The following ANK1 variants were observed in gnomAD, a reference collection of about 807,000 sequenced individuals.
The protein encoded by ANK1 is ankyrin-1.
A neutral mutation model predicts 210.4 loss-of-function variants in ANK1; 51 were observed. The ratio of observed to expected loss-of-function variants is 0.24; its 90% CI spans 0.19 to 0.31. The LOEUF (loss-of-function observed/expected upper bound fraction) is 0.31, where lower values mean the gene tolerates loss of function less well. ANK1 is among the 10% of genes least tolerant of loss of function. The probability of loss-of-function intolerance (pLI) is 1.00; values close to 1 mark genes in which losing one functional copy is unlikely to be tolerated. For synonymous variants in ANK1, 967 were observed against 1,025.9 expected, an observed-to-expected ratio of 0.94 and a Z score of 1.10; for missense variants, 2,051 against 2,504.4, an observed-to-expected ratio of 0.82 and a Z score of 3.86.
intron 40 of ANK1, among the ~76,000 whole-genome samples, chr8:41,662,488 C>T (rs1191000280): frequency 6.6e-6 from 1 of 152,216 alleles, no homozygotes; most frequent in African/African-American, 2.4e-5. Flanking sequence ...TGGGTGTGAC[C>T]TCCCCCTCGA....
chr8:41,664,244 G>C (rs117183306), intron 39 of ANK1: 35,439 of 448,500 alleles, frequency 0.079, 1,819 homozygotes, highest in Non-Finnish European at 0.1. Flanking sequence ...GGCCAAGGCC[G>C]GAGGACCACT....
At chr8:41,723,780 T>A (rs1361662338) in intron 7 of ANK1, 147 bp from the exon 8 acceptor site, 7 of 507,854 alleles carry the variant, frequency 1.4e-5, no homozygotes, top group African/African-American at 7.9e-5. Flanking sequence ...ATTTTATTTT[T>A]TTTTATTTTT....
At chr8:41,868,588 T>A (rs923300873) in intron 1 of ANK1, among the ~76,000 whole-genome samples, 3 of 152,242 alleles carry the variant, frequency 2.0e-5, no homozygotes, top group African/African-American at 7.2e-5. Flanking sequence ...ACTTTATATA[T>A]CTTGTGAATA....
chr8:41,807,599 G>C (rs1464534423), intron 1 of ANK1, among the ~76,000 whole-genome samples: 1 of 152,120 alleles, frequency 6.6e-6, no homozygotes, highest in South Asian at 2.1e-4. Flanking sequence ...GGATCACACG[G>C]TGCTGGTGGT....
chr8:41,718,627 CTGAA>C (rs1437396176), intron 10 of ANK1, among the ~76,000 whole-genome samples: 1 of 152,146 alleles, frequency 6.6e-6, no homozygotes, highest in Non-Finnish European at 1.5e-5. Context: ...GTGATATACT[CTGAA>C]TGTAAACTCT....
upstream of ANK1, chr8:41,797,702 C>T (rs1011726969): frequency 2.7e-6 from 3 of 1,117,008 alleles, no homozygotes; most frequent in African/African-American, 1.7e-5. This position sits in a 1 kb window ranked among gnomAD's most constrained non-coding sequence, Gnocchi z 4.0. Flanking sequence ...CGGGCGCTCC[C>T]GGCACGGGCG....
chr8:41,719,592 A>G (rs1458860094), intron 10 of ANK1, 69 bp downstream of exon 10: 12 of 1,601,524 alleles, frequency 7.5e-6, no homozygotes, highest in Non-Finnish European at 1.7e-6. Flanking sequence ...AGGCCCAGCC[A>G]TGCCTCTCTG....
At chr8:41,656,824 G>T (rs1053975277) in intron 42 of ANK1, among the ~76,000 whole-genome samples, 2 of 152,186 alleles carry the variant, frequency 1.3e-5, no homozygotes, top group African/African-American at 4.8e-5. Context: ...CTCTTGGGTG[G>T]TTCCCCAGGG....
intron 40 of ANK1, 30 bp downstream of exon 40, chr8:41,663,629 C>G (rs767639445): frequency 1.9e-6 from 3 of 1,603,204 alleles, no homozygotes; most frequent in Non-Finnish European, 2.6e-6. Flanking sequence ...CTGCCTCTCC[C>G]CAGCACAGAG....
chr8:41,743,015 G>C (rs1383513795), intron 2 of ANK1, among the ~76,000 whole-genome samples: 1 of 152,174 alleles, frequency 6.6e-6, no homozygotes, highest in Non-Finnish European at 1.5e-5. Context: ...TGCTATACTC[G>C]ATGTCACAGA....
intron 1 of ANK1, among the ~76,000 whole-genome samples, chr8:41,885,537 C>G (rs756656369): frequency 3.9e-5 from 6 of 152,214 alleles, no homozygotes; most frequent in Non-Finnish European, 7.3e-5. Flanking sequence ...GCCCTGGGTC[C>G]CTTGCATTGT....
chr8:41,858,707 T>A (rs1440130339), intron 1 of ANK1, among the ~76,000 whole-genome samples: 3 of 152,216 alleles, frequency 2.0e-5, no homozygotes, highest in African/African-American at 7.2e-5. Flanking sequence ...TTTATCTTAG[T>A]CTCCTTGTCT....
intron 16 of ANK1, among the ~76,000 whole-genome samples, chr8:41,710,235 C>A (rs1825768376): frequency 6.6e-6 from 1 of 152,188 alleles, no homozygotes; most frequent in African/African-American, 2.4e-5. Flanking sequence ...CTTTCACCTG[C>A]ATTTTTTTTG....
Position 41,672,903 on chromosome 8 carries a change from G to A in ANK1, c.4547C>T (p.Ser1516Leu). ...LSPSQMNGYS[S>L]LQDELLSPAS... is the part of the protein sequence containing the mutation. ...AGGGGACAGCAGCTCGTCCTGCAGT[G>A]AGGAGTAACCTGGATGGGCAGACAG... The change falls in exon 38 of 43, where the codon TCA (serine) becomes TTA (leucine). Residue 1516 changes from serine (S) to leucine (L), a missense_variant. This residue lies in a region of ANK1 where 496 missense variants were observed against 533.4 expected (regional missense o/e 0.93). Transcript: ENST00000289734. 1 of 1,600,886 alleles carries A rather than the reference G, an allele frequency of 6.2e-7. No individual in the cohort carries two copies. The highest frequency in any genetic ancestry group is 8.5e-7 in the Non-Finnish European group (1 of 1,179,618).
intron 30 of ANK1, 63 bp downstream of exon 30, chr8:41,693,042 G>A (rs1819721462): frequency 9.7e-6 from 15 of 1,540,240 alleles, no homozygotes; most frequent in Non-Finnish European, 1.3e-5. Context: ...CCTCAGGCCT[G>A]GACGGCAGCA....
chr8:41,798,965 G>C (rs953392852), upstream of ANK1, among the ~76,000 whole-genome samples: 1 of 152,288 alleles, frequency 6.6e-6, no homozygotes, highest in Non-Finnish European at 1.5e-5. Flanking sequence ...ACCGAGATCA[G>C]CTTCATGACC....
chr8:41,684,805 G>C, intron 36 of ANK1, 115 bp from the exon 37 acceptor site: 1 of 1,336,774 alleles, frequency 7.5e-7, no homozygotes, highest in South Asian at 1.2e-5. Context: ...TTTTCAGAAG[G>C]TGGAGGCACC....
Position 41,874,880 on chromosome 8 carries a change from T to C in ANK1, c.126+21475A>G, listed in dbSNP as rs192438611. 3.7e-4 allele frequency among the ~76,000 whole-genome samples: 57 copies of C among 152,316 alleles called. No individual in the cohort carries two copies. In the East Asian group the frequency reaches 9.6e-3, roughly 26 times the overall value. On this transcript the variant is annotated intron_variant, in intron 1 of 42. Coordinates refer to the ANK1 transcript ENST00000265709. ...AAAATACCCAAGGTCATTTCCACCA[T>C]CACGACTGACCCTCCACTGAGCAAC... is the stretch of plus-strand genomic sequence containing the variant.
chr8:41,890,510 A>T (rs541111818), intron 1 of ANK1, among the ~76,000 whole-genome samples: 41 of 152,300 alleles, frequency 2.7e-4, no homozygotes, highest in African/African-American at 9.6e-4. Context: ...GGAGTTCGAG[A>T]CCAGCCTGGC....
Sources: gnomAD v4.1 joint callset for allele counts (sites outside exome capture counted in the v4.1 genomes callset) on GRCh38, gnomAD v4.1.1 for gene constraint, gnomAD v4.1.1 regional missense constraint, Gnocchi (gnomAD v3.1) non-coding constraint, MANE v1.5 for transcripts, NCBI Gene and HGNC (gene_info 2026-07-23, HGNC 2026-07-21) for gene names.